Variants in DDX60 observed in about 807,000 individuals in gnomAD.
DDX60 encodes the protein probable ATP-dependent RNA helicase DDX60.
In DDX60, 165 loss-of-function variants were observed where a neutral mutation model predicts 212.8. That is an observed-to-expected ratio of 0.78 (90% CI 0.68 to 0.88). DDX60 has a LOEUF of 0.88. Ranked by LOEUF, DDX60 falls within the 40% of genes least tolerant of loss-of-function variation. The pLI, the probability that DDX60 is intolerant of heterozygous loss-of-function variation, is 0.00. For synonymous variants in DDX60, 703 were observed against 685.3 expected (o/e 1.03, Z -0.40); for missense variants, 1,905 against 2,003.9 (o/e 0.95, Z 0.94).
chr4:168,310,407 T>C (rs1737078915), intron 3 of DDX60, among the ~76,000 whole-genome samples: 1 of 152,174 alleles, frequency 6.6e-6, no homozygotes, highest in African/African-American at 2.4e-5. Context: ...ACTTAATAAA[T>C]ACATTTTTGC....
chr4:168,280,457 C>G lies in DDX60; in HGVS notation c.1856G>C (p.Gly619Ala). 1 of 1,614,174 alleles carries G rather than the reference C, an allele frequency of 6.2e-7. No homozygotes were observed. The highest frequency in any genetic ancestry group is 1.1e-5 in the South Asian group (1 of 91,084). The change falls in exon 14 of 38, where the codon GGA becomes GCA. Residue 619 changes from glycine to alanine, a missense_variant. Transcript: ENST00000393743. ...EEQLKENLHS[G>A]IKSLEDFLKS... ...CAAAAAATCTTCCAGGCTCTTTATT[C>G]CAGAGTGTAAATTTTCTTTCAATTG...
chr4:168,248,119 T>C (rs1734083846), intron 29 of DDX60, 69 bp downstream of exon 29: 2 of 994,532 alleles, frequency 2.0e-6, no homozygotes, highest in Non-Finnish European at 3.0e-6. Context: ...AACTAAAGGT[T>C]CACATGTTTT....
intron 4 of DDX60, 98 bp from the exon 5 acceptor site, chr4:168,306,818 AAC>A: frequency 1.1e-6 from 1 of 903,720 alleles, no homozygotes; most frequent in Non-Finnish European, 1.7e-6. Flanking sequence ...AATAAAATCC[AAC>A]AGTTTTGTTC....
chr4:168,324,745 C>T, the DDX60 span, among the ~76,000 whole-genome samples: 897 of 152,314 alleles, frequency 5.9e-3, 5 homozygotes, highest in Non-Finnish European at 9.9e-3. Flanking sequence ...AATGGTCCAT[C>T]GCCTTTTTAA....
chr4:168,309,349 T>G (rs1458844979), intron 3 of DDX60, among the ~76,000 whole-genome samples: 1 of 152,196 alleles, frequency 6.6e-6, no homozygotes, highest in Non-Finnish European at 1.5e-5. Flanking sequence ...TTGAATTGCC[T>G]GATGTGTGTC....
intron 5 of DDX60, among the ~76,000 whole-genome samples, chr4:168,305,133 T>G (rs1251650612): frequency 6.6e-6 from 1 of 152,248 alleles, no homozygotes; most frequent in Admixed American, 6.5e-5. Context: ...AGTAACATGC[T>G]GTATAGGTTT....
At position 168,313,531 on chromosome 4, in the gene DDX60, T is replaced by C. The variant is rs186802582; in HGVS notation, c.-106-2166A>G. Among the ~76,000 whole-genome samples the C allele has an allele frequency of 3.7e-3, 567 of 152,310 alleles. 5 individuals are homozygous for C. Among genetic ancestry groups the C allele is most frequent in the African/African-American group, 0.013 (544 of 41,562 alleles). ...CTCACTAACTGTGCATTGGCCATAC[T>C]ATCTTTCTTCAACTCTCCAAATTGT... On this transcript the variant is annotated intron_variant, in intron 1 of 37. Coordinates refer to ENST00000393743, the MANE Select transcript of DDX60 (RefSeq NM_017631.6).
At chr4:168,259,546 T>TGA (rs143836265) in intron 25 of DDX60, among the ~76,000 whole-genome samples, 193 of 152,140 alleles carry the variant, frequency 1.3e-3, no homozygotes, top group African/African-American at 4.6e-3. Context: ...TGTTTACATG[T>TGA]GAGCAAGTTT....
rs548506067 is a variant in DDX60, at chr4:168,288,122, T to G, written c.1183+52A>C. The G allele has an allele frequency of 2.8e-5, 33 of 1,199,502 alleles. No individual in the cohort carries two copies. In the African/African-American group the frequency reaches 4.9e-4, roughly 18 times the overall value. The allele number at this position is 1,199,502 out of a possible 1,614,324, so 74.3% of individuals were successfully genotyped here. ...AATTATTTTGTAGTTTTAAATTCCTTATAAAGTTTATCTGTGGATGGAAGT... is the reference window on the plus strand; with the variant it reads ...AATTATTTTGTAGTTTTAAATTCCTGATAAAGTTTATCTGTGGATGGAAGT... On this transcript the variant is annotated intron_variant, in intron 9 of 37. Coordinates refer to ENST00000393743, the MANE Select transcript of DDX60 (RefSeq NM_017631.6).
chr4:168,244,933 C>T (rs1045845377), intron 30 of DDX60, among the ~76,000 whole-genome samples: 6 of 151,970 alleles, frequency 3.9e-5, no homozygotes, highest in African/African-American at 1.2e-4. Context: ...AAAATTATAA[C>T]TTTTCCTGAA....
At chr4:168,254,275 A>G (rs72975342) in intron 26 of DDX60, among the ~76,000 whole-genome samples, 2,938 of 152,174 alleles carry the variant, frequency 0.019, 77 homozygotes, top group African/African-American at 0.067. Flanking sequence ...CCAGAGTGGG[A>G]CTATCTAAAG....
intron 13 of DDX60, among the ~76,000 whole-genome samples, chr4:168,283,002 C>T (rs1377423748): frequency 6.6e-6 from 1 of 152,016 alleles, no homozygotes; most frequent in Non-Finnish European, 1.5e-5. Context: ...AGAGTTCTAA[C>T]CTTCCACTCA....
chr4:168,270,413 A>G (rs979106997), intron 19 of DDX60, among the ~76,000 whole-genome samples: 2 of 152,214 alleles, frequency 1.3e-5, no homozygotes, highest in African/African-American at 4.8e-5. Flanking sequence ...CACTCCATCA[A>G]ATATTGACCT....
chr4:168,255,564 T>C (rs1734370600), intron 26 of DDX60, 147 bp downstream of exon 26: 1 of 621,486 alleles, frequency 1.6e-6, no homozygotes, highest in East Asian at 3.3e-5. Context: ...CTTTATCCCA[T>C]TCTCTCACCC....
chr4:168,287,588 T>C (rs1470722040), intron 9 of DDX60, among the ~76,000 whole-genome samples: 1 of 152,178 alleles, frequency 6.6e-6, no homozygotes. Flanking sequence ...TAAGTTTATA[T>C]GCAGCTAATT....
intron 26 of DDX60, 105 bp downstream of exon 26, chr4:168,255,606 G>C: frequency 2.0e-6 from 2 of 981,618 alleles, no homozygotes; most frequent in South Asian, 2.1e-5. Flanking sequence ...AAGTCCAAGC[G>C]ACAACTAGAA....
intron 22 of DDX60, among the ~76,000 whole-genome samples, chr4:168,263,292 C>T (rs1427344385): frequency 6.6e-6 from 1 of 152,148 alleles, no homozygotes; most frequent in African/African-American, 2.4e-5. Context: ...GAAATTTCTC[C>T]CAAAGGTCAC....
chr4:168,285,902 A>AGGAG (rs1735812065), intron 10 of DDX60, among the ~76,000 whole-genome samples: 1 of 51,464 alleles, frequency 1.9e-5, no homozygotes, highest in Non-Finnish European at 3.9e-5. Flanking sequence ...GAAGAAAGGA[A>AGGAG]GGAAGGAAGG....
At chr4:168,288,396 A>C in intron 8 of DDX60, 81 bp from the exon 9 acceptor site, 1 of 987,236 alleles carries the variant, frequency 1.0e-6, no homozygotes, top group Non-Finnish European at 1.5e-6. Flanking sequence ...TTCTGAACTG[A>C]AAGGCAGTGG....
Sources: gnomAD v4.1 joint callset for allele counts (sites outside exome capture counted in the v4.1 genomes callset) on GRCh38, gnomAD v4.1.1 for gene constraint, MANE v1.5 for transcripts, NCBI Gene and HGNC (gene_info 2026-07-23, HGNC 2026-07-21) for gene names.